Variants in CYFIP1 observed in about 807,000 individuals in gnomAD.
The protein encoded by CYFIP1 is cytoplasmic FMR1 interacting protein 1.
In CYFIP1, 58 loss-of-function variants were observed where a neutral mutation model predicts 163.5. The ratio of observed to expected loss-of-function variants is 0.35; its 90% CI spans 0.29 to 0.44. The LOEUF is 0.44. Ranked by LOEUF, CYFIP1 falls within the 20% of genes least tolerant of loss-of-function variation. CYFIP1 has a pLI of 1.00. For missense variants in CYFIP1, 1,338 were observed against 1,653.8 expected, an observed-to-expected ratio of 0.81 and a Z score of 3.31; for synonymous variants, 663 against 660.7, an observed-to-expected ratio of 1.00 and a Z score of -0.05.
chr15:22,974,007 C>T (rs2063186999), intron 1 of CYFIP1, among the ~76,000 whole-genome samples: 1 of 152,046 alleles, frequency 6.6e-6, no homozygotes, highest in Non-Finnish European at 1.5e-5. Context: ...TGGCTCTTGT[C>T]AAAAAGGCAA....
chr15:22,964,562 G>A (rs993577945), intron 1 of CYFIP1, among the ~76,000 whole-genome samples: 9 of 152,074 alleles, frequency 5.9e-5, no homozygotes, highest in African/African-American at 1.7e-4. Context: ...CCGGGGAGTC[G>A]GGAACCAAGT....
intron 1 of CYFIP1, among the ~76,000 whole-genome samples, chr15:22,955,984 G>A (rs554103921): frequency 3.9e-5 from 6 of 152,128 alleles, no homozygotes; most frequent in South Asian, 4.1e-4. Context: ...TTGGGAGACC[G>A]AGGCTTGAGG....
In CYFIP1 at chr15:22,890,947, C is replaced by T. The variant is rs925980443; in HGVS notation, c.2676+1943G>A. On this transcript the variant is annotated intron_variant, in intron 23 of 30. Coordinates refer to ENST00000617928, the MANE Select transcript of CYFIP1 (RefSeq NM_014608.6). ...GGCGACCCTGGCCCTCATGTGTCAG[C>T]GAGGCTCCCAGCCCTGACATTTTTC... Among the ~76,000 whole-genome samples the T allele has an allele frequency of 1.2e-4, 19 of 152,288 alleles. No homozygotes were observed. The South Asian group carries it at 1.5e-3, about 12-fold the overall frequency.
At chr15:22,953,536 C>T (rs1325196263) in intron 1 of CYFIP1, among the ~76,000 whole-genome samples, 3 of 152,118 alleles carry the variant, frequency 2.0e-5, no homozygotes, top group Admixed American at 2.0e-4. Flanking sequence ...CTCTAGTCTC[C>T]TTCTGTGTCT....
intron 1 of CYFIP1, among the ~76,000 whole-genome samples, chr15:22,961,234 C>G (rs1435690793): frequency 3.3e-5 from 5 of 152,144 alleles, no homozygotes; most frequent in Non-Finnish European, 7.4e-5. Flanking sequence ...GTTGGCCAGG[C>G]TGGTCTCGAA....
chr15:22,933,603 C>T (rs895436725), intron 10 of CYFIP1, among the ~76,000 whole-genome samples, 199 bp downstream of exon 10: 6 of 152,166 alleles, frequency 3.9e-5, no homozygotes, highest in African/African-American at 9.7e-5. Context: ...CGTGAGCCAC[C>T]GCGCCCGGCC....
chr15:22,882,729 A>T, intron 24 of CYFIP1, 139 bp downstream of exon 24: 1 of 937,676 alleles, frequency 1.1e-6, no homozygotes. Flanking sequence ...ATCAAACTAT[A>T]TATGGTCAGA....
chr15:22,869,940 T>TAA lies in CYFIP1; in HGVS notation c.*87_*88insTT. ...GCACCCCCTTTAACAGGTACAGAGA[T>TAA]ACTGAAAAATAGTCCCTAAAAATCT... On this transcript the variant is annotated 3_prime_UTR_variant, in exon 31 of 31. Transcript: ENST00000617928. The TAA allele has an allele frequency of 7.9e-7, 1 of 1,262,622 alleles. No homozygotes were observed. Among genetic ancestry groups the TAA allele is most frequent in the Non-Finnish European group, 1.1e-6 (1 of 949,542 alleles). The allele number at this position is 1,262,622 out of a possible 1,614,324, so 78.2% of individuals were successfully genotyped here.
intron 20 of CYFIP1, among the ~76,000 whole-genome samples, chr15:22,909,613 G>T (rs1234505034): frequency 6.6e-6 from 1 of 152,128 alleles, no homozygotes; most frequent in Non-Finnish European, 1.5e-5. Context: ...CCAAAAATGT[G>T]CATGATGATT....
At position 22,872,560 on chromosome 15, in the gene CYFIP1, A is replaced by G. The variant is rs543017352; in HGVS notation, c.3597+265T>C. ...CAGGGGCCCGAAGACTATAGTTGCCAATATTCTGACAATGCAGATCCTGTA... is the reference window on the plus strand; with the variant it reads ...CAGGGGCCCGAAGACTATAGTTGCCGATATTCTGACAATGCAGATCCTGTA... On this transcript the variant is annotated intron_variant, in intron 30 of 30. Coordinates refer to ENST00000617928, the MANE Select transcript of CYFIP1 (RefSeq NM_014608.6). The G allele has an allele frequency of 3.2e-5, 13 of 409,122 alleles. No homozygotes were observed. The South Asian group carries it at 3.5e-4, about 11-fold the overall frequency. The allele number at this position is 409,122 out of a possible 1,614,324, so 25.3% of individuals were successfully genotyped here.
chr15:22,870,054 T>A lies in CYFIP1; in HGVS notation c.3736A>T (p.Ile1246Phe). The A allele has an allele frequency of 6.2e-7, 1 of 1,608,084 alleles. No homozygotes were observed. Among genetic ancestry groups the A allele is most frequent in the Non-Finnish European group, 8.5e-7 (1 of 1,178,148 alleles). The change falls in exon 31 of 31, where the codon ATC becomes TTC. Residue 1246 changes from isoleucine (I) to phenylalanine (F), a missense_variant. Around this residue, in one of 4 missense-constraint regions of CYFIP1, gnomAD observed 306 missense variants for 322.1 expected, o/e 0.95. Coordinates refer to ENST00000617928, the MANE Select transcript of CYFIP1 (RefSeq NM_014608.6). Reference protein sequence around the residue: ...VEHVRCFQPPIHQSLASS With the variant: ...VEHVRCFQPPFHQSLASS ...CAGCTGCTGGCGAGGGACTGGTGGA[T>A]GGGCGGCTGGAAGCAGCGCACATGC...
In CYFIP1 at chr15:22,870,100, G is replaced by A. The variant is rs574390610; in HGVS notation, c.3690C>T (p.Asp1230=). Residue 1230 remains aspartate, a synonymous_variant, in exon 31 of 31, where the codon GAC becomes GAT. Coordinates refer to ENST00000617928, the MANE Select transcript of CYFIP1 (RefSeq NM_014608.6). ...CATGCTCCACTGGCGTGCCCTCCCC[G>A]TCGCCTGACTTCAGGTACTTATCCA... The part of the protein sequence containing the change: ...TILDKYLKSG[D]GEGTPVEHVR... 1.1e-4 allele frequency: 172 copies of A among 1,612,880 alleles called. No individual in the cohort carries two copies. In the South Asian group the frequency reaches 1.3e-3, roughly 12 times the overall value.
intron 18 of CYFIP1, 97 bp downstream of exon 18, chr15:22,912,082 T>C: frequency 1.7e-6 from 2 of 1,150,632 alleles, no homozygotes; most frequent in Non-Finnish European, 1.2e-6. Context: ...TATACTGTCT[T>C]ATATTTTAAA....
chr15:22,875,503 G>A (rs369664790), intron 26 of CYFIP1: 123 of 517,904 alleles, frequency 2.4e-4, no homozygotes, highest in African/African-American at 2.0e-3. Context: ...CTTGGCACTT[G>A]AGGAACTGAA....
chr15:22,980,422 G>A (rs1037945775), upstream of CYFIP1: 5 of 152,074 alleles, frequency 3.3e-5, no homozygotes, highest in Admixed American at 6.5e-5. Context: ...GGGCTCTCCC[G>A]GCTCGGCCTC....
chr15:22,898,441 T>C (rs185569865), intron 22 of CYFIP1, among the ~76,000 whole-genome samples: 1 of 152,204 alleles, frequency 6.6e-6, no homozygotes, highest in East Asian at 1.9e-4. Context: ...TTAAACATAA[T>C]ATTTTACTAT....
chr15:22,929,182 C>T (rs2061452737), intron 11 of CYFIP1, among the ~76,000 whole-genome samples: 1 of 149,788 alleles, frequency 6.7e-6, no homozygotes, highest in Non-Finnish European at 1.5e-5. Flanking sequence ...ATCCCGCCAT[C>T]ACACGCCATC....
chr15:22,916,773 G>T, intron 15 of CYFIP1, 143 bp from the exon 16 acceptor site: 1 of 1,601,946 alleles, frequency 6.2e-7, no homozygotes, highest in Non-Finnish European at 8.5e-7. Flanking sequence ...GAGGGGTCCG[G>T]GTGCCTGTCT....
rs137976050 is a variant in CYFIP1, at chr15:22,927,540, C to T, written c.1233+366G>A. 2.3e-3 allele frequency among the ~76,000 whole-genome samples: 341 copies of T among 150,916 alleles called. 4 individuals carry two copies. The highest frequency in any genetic ancestry group is 8.0e-3 in the African/African-American group (329 of 41,040). ...GGAGCCGTGGTGCACACCTGTGGTC[C>T]CAGCAACTTGGGAGGCTGAGGCAGA... On this transcript the variant is annotated intron_variant, in intron 12 of 30. Coordinates refer to ENST00000617928, the MANE Select transcript of CYFIP1 (RefSeq NM_014608.6).
Sources: allele counts gnomAD v4.1 joint callset (sites outside exome capture counted in the v4.1 genomes callset), GRCh38; gene constraint gnomAD v4.1.1; regional missense constraint gnomAD v4.1.1; transcripts MANE v1.5; gene names NCBI Gene and HGNC (gene_info 2026-07-23, HGNC 2026-07-21).